Variants in MDFIC observed in about 807,000 individuals in gnomAD.
The protein encoded by MDFIC is myoD family inhibitor domain-containing protein.
Under a neutral mutation model 23.2 loss-of-function variants are expected in MDFIC, and 17 were observed. That is an observed-to-expected ratio of 0.73 (90% confidence interval 0.50 to 1.10). The LOEUF (loss-of-function observed/expected upper bound fraction) is 1.10. Among genes scored for constraint, MDFIC ranks in the 50% least tolerant of loss-of-function variants. MDFIC has a pLI of 0.00. For synonymous variants in MDFIC, 120 were observed against 115.2 expected (o/e 1.04, Z -0.27); for missense variants, 356 against 316.6 (o/e 1.12, Z -0.95).
At chr7:114,931,914 C>T (rs1223685724) in intron 2 of MDFIC, among the ~76,000 whole-genome samples, 1 of 152,138 alleles carries the variant, frequency 6.6e-6, no homozygotes, top group African/African-American at 2.4e-5. Context: ...GAACCAGCTT[C>T]CTCTCTTTAC....
At chr7:114,939,211 A>T (rs1310544534) in intron 2 of MDFIC, among the ~76,000 whole-genome samples, 2 of 152,246 alleles carry the variant, frequency 1.3e-5, no homozygotes, top group African/African-American at 4.8e-5. Flanking sequence ...AAGTGGTCAC[A>T]GAAGTTTTGT....
In MDFIC at chr7:115,018,956, G is replaced by A. The variant is rs954996755; in HGVS notation, c.*3021G>A. Reference sequence around the variant, plus strand: ...TCGATCAGTTTATGATCATTGACATGTGATTTCAAAACACAGTGTTCTTTT... The same window carrying A: ...TCGATCAGTTTATGATCATTGACATATGATTTCAAAACACAGTGTTCTTTT... On this transcript the variant is annotated 3_prime_UTR_variant, in exon 5 of 5. Transcript: ENST00000393486. The A allele has an allele frequency of 6.6e-6, 1 of 151,524 alleles. No individual in the cohort carries two copies. Among genetic ancestry groups the A allele is most frequent in the Non-Finnish European group, 1.5e-5 (1 of 67,794 alleles). The allele number at this position is 151,524 out of a possible 1,614,324, so 9.4% of individuals were successfully genotyped here. A position where few individuals can be genotyped will look rare whatever the true frequency, so the allele number is the denominator to read the frequency against.
intron 4 of MDFIC, among the ~76,000 whole-genome samples, chr7:114,998,085 T>G (rs901493681): frequency 6.6e-6 from 1 of 152,234 alleles, no homozygotes; most frequent in African/African-American, 2.4e-5. Flanking sequence ...AAATTATTTC[T>G]TAGTTACAAT....
chr7:114,938,310 A>G (rs1217904742), intron 2 of MDFIC, among the ~76,000 whole-genome samples: 1 of 152,194 alleles, frequency 6.6e-6, no homozygotes, highest in Admixed American at 6.5e-5. Flanking sequence ...AAATACCTCT[A>G]TATTAATTAG....
intron 4 of MDFIC, among the ~76,000 whole-genome samples, chr7:114,985,899 T>C (rs1028423281): frequency 6.6e-6 from 1 of 152,010 alleles, no homozygotes; most frequent in African/African-American, 2.4e-5. Context: ...TTTGAAAAAT[T>C]GTGTTTTCTT....
intron 4 of MDFIC, among the ~76,000 whole-genome samples, chr7:114,998,749 A>G (rs1791397305): frequency 6.6e-6 from 1 of 152,126 alleles, no homozygotes; most frequent in Non-Finnish European, 1.5e-5. Flanking sequence ...GTATATACTT[A>G]AAAGATCTGT....
chr7:114,933,966 C>G (rs971603420), intron 2 of MDFIC: 1 of 152,208 alleles, frequency 6.6e-6, no homozygotes, highest in Non-Finnish European at 1.5e-5. Context: ...GAGGCTGTTT[C>G]TCTATCCCTG....
intron 2 of MDFIC, among the ~76,000 whole-genome samples, chr7:114,926,419 C>T (rs1297028092): frequency 6.6e-6 from 1 of 152,106 alleles, no homozygotes; most frequent in Non-Finnish European, 1.5e-5. Flanking sequence ...AGAATCAGTT[C>T]AACTTTTTTA....
chr7:114,940,511 G>GACTCTTCTTGGTACTTGGT (rs1792517573), intron 2 of MDFIC, among the ~76,000 whole-genome samples: 1 of 152,076 alleles, frequency 6.6e-6, no homozygotes, highest in South Asian at 2.1e-4. Context: ...TAATTGTACG[G>GACTCTTCTTGGTACTTGGT]ACTCTTCTTG....
At chr7:114,931,900 G>T (rs577164424) in intron 2 of MDFIC, among the ~76,000 whole-genome samples, 1 of 152,322 alleles carries the variant, frequency 6.6e-6, no homozygotes, top group East Asian at 1.9e-4. Flanking sequence ...GGCAGAGTAT[G>T]AAGGAACCAG....
intron 2 of MDFIC, among the ~76,000 whole-genome samples, chr7:114,930,443 C>A (rs1003601685): frequency 2.0e-5 from 3 of 151,936 alleles, no homozygotes; most frequent in African/African-American, 7.3e-5. Flanking sequence ...AGACCTCTGG[C>A]GAGAAAAAAA....
intron 3 of MDFIC, among the ~76,000 whole-genome samples, chr7:114,976,384 T>A (rs1793315326): frequency 6.6e-6 from 1 of 152,118 alleles, no homozygotes; most frequent in Non-Finnish European, 1.5e-5. Flanking sequence ...GGCATCTTTT[T>A]AAATATGTAT....
intron 4 of MDFIC, among the ~76,000 whole-genome samples, chr7:114,983,484 T>C (rs556564240): frequency 2.9e-4 from 44 of 151,832 alleles, no homozygotes; most frequent in Non-Finnish European, 5.7e-4. Context: ...AGTCTGTGGG[T>C]TGGCAAGATG....
At chr7:114,935,249 C>T (rs563384144) in intron 2 of MDFIC, among the ~76,000 whole-genome samples, 3 of 151,974 alleles carry the variant, frequency 2.0e-5, no homozygotes, top group South Asian at 2.1e-4. Context: ...ATACAAATTG[C>T]TTATCACCAA....
Position 115,018,247 on chromosome 7 carries a change from A to G in MDFIC, c.*2312A>G, listed in dbSNP as rs1466562154. 3 of 152,026 alleles carry G rather than the reference A, an allele frequency of 2.0e-5. No homozygotes were observed. The highest frequency in any genetic ancestry group is 4.8e-5 in the African/African-American group (2 of 41,454). The allele number at this position is 152,026 out of a possible 1,614,324, so 9.4% of individuals were successfully genotyped here. ...TGCTCATATATTAGGATGTGAGAAT[A>G]TCATCTGTTTATGGACACATGAAAC... On this transcript the variant is annotated 3_prime_UTR_variant, in exon 5 of 5. Transcript: ENST00000393486.
intron 3 of MDFIC, among the ~76,000 whole-genome samples, chr7:114,963,447 A>G (rs543190182): frequency 3.3e-5 from 5 of 152,206 alleles, no homozygotes; most frequent in African/African-American, 4.8e-5. Flanking sequence ...TGTCTTTGTG[A>G]GGGCCCTTCC....
intron 2 of MDFIC, among the ~76,000 whole-genome samples, chr7:114,925,574 G>A (rs1315311415): frequency 1.3e-5 from 2 of 152,140 alleles, no homozygotes; most frequent in Admixed American, 1.3e-4. Flanking sequence ...ACAGAGCAGG[G>A]ACATAAGCTT....
At position 114,922,642 on chromosome 7, in the gene MDFIC, T is replaced by C. The variant is rs375827477; in HGVS notation, c.-108+6T>C. On this transcript the variant is annotated splice_donor_region_variant and intron_variant, in intron 1 of 4. Coordinates refer to ENST00000393486, the MANE Select transcript of MDFIC (RefSeq NM_001166345.3). ...GACTACGGGGGGATGCGGAGGTAGG[T>C]AGTGGTCTCCGGGCGGGGAAGAGGA... 1.6e-5 allele frequency: 21 copies of C among 1,307,194 alleles called. No individual in the cohort carries two copies. The highest frequency in any genetic ancestry group is 8.2e-5 in the Admixed American group (2 of 24,370). The allele number at this position is 1,307,194 out of a possible 1,614,324, so 81.0% of individuals were successfully genotyped here.
At chr7:114,950,013 C>T (rs772557480) in intron 3 of MDFIC, among the ~76,000 whole-genome samples, 9 of 151,754 alleles carry the variant, frequency 5.9e-5, no homozygotes, top group Admixed American at 1.3e-4. Context: ...TTAGATGAGG[C>T]GTGGTGAGAA....
Sources: gnomAD v4.1 joint callset for allele counts (sites outside exome capture counted in the v4.1 genomes callset) on GRCh38, gnomAD v4.1.1 for gene constraint, MANE v1.5 for transcripts, NCBI Gene and HGNC (gene_info 2026-07-23, HGNC 2026-07-21) for gene names.